Variants in NTF3 observed in about 807,000 individuals in gnomAD.
NTF3 encodes the protein neurotrophin-3.
A neutral mutation model predicts 26.3 loss-of-function variants in NTF3; 8 were observed. The ratio of observed to expected loss-of-function variants is 0.30; its 90% CI spans 0.18 to 0.55. NTF3 has a LOEUF of 0.55. Ranked by LOEUF, NTF3 falls within the 20% of genes least tolerant of loss-of-function variation. The pLI is 0.93. For synonymous variants in NTF3, 154 were observed against 145.5 expected (o/e 1.06, Z -0.42); for missense variants, 276 against 352.9 (o/e 0.78, Z 1.75).
At chr12:5,483,025 C>T (rs986280416) in intron 1 of NTF3, among the ~76,000 whole-genome samples, 1 of 151,858 alleles carries the variant, frequency 6.6e-6, no homozygotes, top group African/African-American at 2.4e-5. Flanking sequence ...CTCTCTCAGT[C>T]TCTGTATCTC....
intron 1 of NTF3, among the ~76,000 whole-genome samples, chr12:5,492,023 T>G (rs1290327648): frequency 1.3e-5 from 2 of 152,158 alleles, no homozygotes; most frequent in Admixed American, 1.3e-4. Flanking sequence ...CTTTCTCCTC[T>G]TCTTTAAACT....
intron 1 of NTF3, among the ~76,000 whole-genome samples, chr12:5,452,181 C>T (rs894045619): frequency 1.6e-4 from 25 of 151,726 alleles, no homozygotes; most frequent in Admixed American, 2.6e-4. Flanking sequence ...CTGCAACCTC[C>T]GCCTCCCGGG....
intron 1 of NTF3, among the ~76,000 whole-genome samples, chr12:5,458,992 C>T (rs960856400): frequency 6.6e-6 from 1 of 152,202 alleles, no homozygotes; most frequent in Non-Finnish European, 1.5e-5. Flanking sequence ...TCTTGACGTG[C>T]CATGGAAAAT....
At chr12:5,447,541 G>A (rs556316803) in intron 1 of NTF3, among the ~76,000 whole-genome samples, 11 of 152,292 alleles carry the variant, frequency 7.2e-5, no homozygotes, top group Admixed American at 3.3e-4. Context: ...ATCACTGTAC[G>A]CACAACCTCT....
intron 1 of NTF3, among the ~76,000 whole-genome samples, chr12:5,439,501 C>T (rs907568371): frequency 1.3e-4 from 20 of 152,194 alleles, no homozygotes; most frequent in African/African-American, 3.9e-4. Flanking sequence ...TCCCTGCCCC[C>T]GGAAGCCTCC....
At chr12:5,455,908 C>A (rs1046970526) in intron 1 of NTF3, among the ~76,000 whole-genome samples, 1 of 152,170 alleles carries the variant, frequency 6.6e-6, no homozygotes, top group Non-Finnish European at 1.5e-5. Flanking sequence ...AGGCAGTCCA[C>A]AGAGTCTGAG....
At chr12:5,484,366 C>T (rs1376536949) in intron 1 of NTF3, among the ~76,000 whole-genome samples, 1 of 152,022 alleles carries the variant, frequency 6.6e-6, no homozygotes, top group African/African-American at 2.4e-5. Context: ...TCTATTTGGT[C>T]TGGAGAAGAA....
At chr12:5,432,412 C>A in intron 1 of NTF3, 70 bp downstream of exon 1, 2 of 1,559,216 alleles carry the variant, frequency 1.3e-6, no homozygotes, top group Non-Finnish European at 8.8e-7. Context: ...GAGGGATTTT[C>A]CAGTGGACTG....
intron 1 of NTF3, among the ~76,000 whole-genome samples, chr12:5,445,258 C>T (rs1940289338): frequency 1.1e-5 from 1 of 91,636 alleles, no homozygotes; most frequent in Non-Finnish European, 2.3e-5. Flanking sequence ...GACGTCAGAT[C>T]CACCCATAGA....
rs557984608 is a variant in NTF3, at chr12:5,467,404, G to A, written c.19-26790G>A. Among the ~76,000 whole-genome samples, 17 of 152,274 alleles carry A rather than the reference G, an allele frequency of 1.1e-4. No homozygotes were observed. The South Asian group carries it at 3.5e-3, about 32-fold the overall frequency. ...ATGATAGTATTGCATTAAAAGAGAA[G>A]TGATTCCCCAGATGTGGACATCTCA... On this transcript the variant is annotated intron_variant, in intron 1 of 1. Coordinates refer to ENST00000423158, the MANE Select transcript of NTF3 (RefSeq NM_001102654.2).
intron 1 of NTF3, among the ~76,000 whole-genome samples, chr12:5,460,437 A>G (rs1470073250): frequency 1.3e-5 from 2 of 152,192 alleles, no homozygotes; most frequent in African/African-American, 4.8e-5. Flanking sequence ...AGTAGTTGGA[A>G]TAATACAGTG....
At chr12:5,455,769 A>G (rs1940438591) in intron 1 of NTF3, among the ~76,000 whole-genome samples, 1 of 152,180 alleles carries the variant, frequency 6.6e-6, no homozygotes, top group Non-Finnish European at 1.5e-5. Context: ...GATCGGGAAC[A>G]TGTTGCTGAC....
chr12:5,485,432 C>T (rs35007573), intron 1 of NTF3, among the ~76,000 whole-genome samples: 62,753 of 151,732 alleles, frequency 0.41, 13,040 homozygotes, highest in South Asian at 0.51. Flanking sequence ...CTCTGTCTCT[C>T]AATTGATGTG....
intron 1 of NTF3, among the ~76,000 whole-genome samples, chr12:5,473,406 G>A (rs187529868): frequency 3.3e-5 from 5 of 152,336 alleles, no homozygotes; most frequent in East Asian, 3.9e-4. Context: ...AGCCTTGTCC[G>A]TGCTTAGACG....
chr12:5,439,598 T>G (rs1940213090), intron 1 of NTF3, among the ~76,000 whole-genome samples: 2 of 152,220 alleles, frequency 1.3e-5, no homozygotes, highest in Admixed American at 6.5e-5. Flanking sequence ...ATTGGCCCTC[T>G]CCCTTTACTT....
chr12:5,484,848 A>C (rs1940849271), intron 1 of NTF3, among the ~76,000 whole-genome samples: 1 of 152,214 alleles, frequency 6.6e-6, no homozygotes, highest in Admixed American at 6.5e-5. Flanking sequence ...TGAGCCCCCA[A>C]GATGCACAGT....
chr12:5,463,453 A>C (rs147772464), intron 1 of NTF3, among the ~76,000 whole-genome samples: 20 of 152,318 alleles, frequency 1.3e-4, no homozygotes, highest in Non-Finnish European at 2.2e-4. Flanking sequence ...GCAGATAACA[A>C]AAGGCTTCGT....
chr12:5,469,673 G>A (rs74056366), intron 1 of NTF3, among the ~76,000 whole-genome samples: 4,233 of 152,234 alleles, frequency 0.028, 120 homozygotes, highest in African/African-American at 0.071. Flanking sequence ...TTCCTCAAAG[G>A]TCACAGATCT....
chr12:5,476,568 G>T (rs1170013588), intron 1 of NTF3, among the ~76,000 whole-genome samples: 1 of 152,220 alleles, frequency 6.6e-6, no homozygotes, highest in East Asian at 1.9e-4. Context: ...GGTTGGAGCT[G>T]CACAGGGCAG....
Sources: allele counts gnomAD v4.1 joint callset (sites outside exome capture counted in the v4.1 genomes callset), GRCh38; gene constraint gnomAD v4.1.1; transcripts MANE v1.5; gene names NCBI Gene and HGNC (gene_info 2026-07-23, HGNC 2026-07-21).